The following TAFA2 variants were observed in gnomAD, a reference collection of about 807,000 sequenced individuals.
The protein encoded by TAFA2 is chemokine-like protein TAFA-2.
Under a neutral mutation model 18.8 loss-of-function variants are expected in TAFA2, and 7 were observed. The observed-to-expected ratio is 0.37, with a 90% CI of 0.21 to 0.70. The LOEUF is 0.70. TAFA2 is among the 30% of genes least tolerant of loss of function. The pLI is 0.53. For synonymous variants in TAFA2, 60 were observed against 54.2 expected, an observed-to-expected ratio of 1.11 and a Z score of -0.47; for missense variants, 122 against 158.1, an observed-to-expected ratio of 0.77 and a Z score of 1.23.
chr12:62,028,852 G>A (rs947579821), intron 1 of TAFA2, among the ~76,000 whole-genome samples: 3 of 152,096 alleles, frequency 2.0e-5, no homozygotes, highest in Non-Finnish European at 4.4e-5. Flanking sequence ...ACAAACTATA[G>A]TCCAAACTAC....
intron 1 of TAFA2, among the ~76,000 whole-genome samples, chr12:62,061,526 G>A (rs1046558919): frequency 3.3e-5 from 5 of 152,098 alleles, no homozygotes; most frequent in South Asian, 4.1e-4. Context: ...TATCTCCATC[G>A]TTAAGAGATA....
At chr12:61,851,542 C>T (rs1873647562) in intron 2 of TAFA2, among the ~76,000 whole-genome samples, 1 of 151,278 alleles carries the variant, frequency 6.6e-6, no homozygotes, top group Admixed American at 6.6e-5. Context: ...TTTGGGAGGC[C>T]GAGGCGGGTG....
upstream of TAFA2, among the ~76,000 whole-genome samples, chr12:62,195,713 A>G (rs2062645913): frequency 6.6e-6 from 1 of 152,242 alleles, no homozygotes; most frequent in Non-Finnish European, 1.5e-5. Flanking sequence ...TGCTGTAAAC[A>G]AATGTGCTGC....
intron 1 of TAFA2, among the ~76,000 whole-genome samples, chr12:62,249,199 C>T (rs1009832643): frequency 6.7e-6 from 1 of 149,864 alleles, no homozygotes; most frequent in African/African-American, 2.5e-5. Flanking sequence ...GAACAATGTA[C>T]AGCCAATTGA....
intron 1 of TAFA2, among the ~76,000 whole-genome samples, chr12:61,960,831 AC>A (rs1166803432): frequency 6.6e-6 from 1 of 151,990 alleles, no homozygotes; most frequent in Non-Finnish European, 1.5e-5. Context: ...CATAAACTAA[AC>A]ATTTATAACA....
chr12:61,908,815 G>T (rs948652784), intron 1 of TAFA2, among the ~76,000 whole-genome samples: 2 of 151,972 alleles, frequency 1.3e-5, no homozygotes, highest in African/African-American at 4.8e-5. Flanking sequence ...AGAATGACAG[G>T]AGAACTATAT....
At chr12:62,084,672 G>A (rs969957955) in intron 1 of TAFA2, among the ~76,000 whole-genome samples, 1 of 152,128 alleles carries the variant, frequency 6.6e-6, no homozygotes, top group South Asian at 2.1e-4. Context: ...CTCAGGCTTA[G>A]AGGTAAAAAC....
chr12:62,001,239 C>T (rs1592540676), intron 1 of TAFA2, among the ~76,000 whole-genome samples: 1 of 152,110 alleles, frequency 6.6e-6, no homozygotes, highest in South Asian at 2.1e-4. Context: ...TATATAGCAG[C>T]AGTCCCCAAC....
At chr12:61,959,039 A>G (rs1262059352) in intron 1 of TAFA2, among the ~76,000 whole-genome samples, 1 of 151,902 alleles carries the variant, frequency 6.6e-6, no homozygotes, top group African/African-American at 2.4e-5. Flanking sequence ...TTTATTTCAT[A>G]TTCTCTTCTA....
At chr12:61,951,695 C>G (rs2582332) in intron 1 of TAFA2, among the ~76,000 whole-genome samples, 45,990 of 151,812 alleles carry the variant, frequency 0.3, 8,262 homozygotes, top group Non-Finnish European at 0.4. Context: ...TTTTTTCTTT[C>G]TCCGGATGAC....
At chr12:62,181,379 A>G (rs956459513) in intron 1 of TAFA2, among the ~76,000 whole-genome samples, 1 of 152,246 alleles carries the variant, frequency 6.6e-6, no homozygotes, top group South Asian at 2.1e-4. Context: ...TGAGATATAC[A>G]TGGGTCTGCC....
intron 1 of TAFA2, among the ~76,000 whole-genome samples, chr12:62,123,201 A>G (rs1265862388): frequency 1.3e-5 from 2 of 152,022 alleles, no homozygotes; most frequent in African/African-American, 4.8e-5. Flanking sequence ...TCAACTGCAT[A>G]CTCTCTCTCT....
At chr12:61,878,324 C>A (rs1170543928) in intron 1 of TAFA2, among the ~76,000 whole-genome samples, 4 of 152,002 alleles carry the variant, frequency 2.6e-5, no homozygotes, top group Non-Finnish European at 5.9e-5. Flanking sequence ...TATTTTACAA[C>A]AATAAAAATG....
chr12:62,192,909 T>C (rs1025952937), upstream of TAFA2: 27 of 152,188 alleles, frequency 1.8e-4, no homozygotes, highest in Admixed American at 1.6e-3. Flanking sequence ...AACAGACCAG[T>C]TTCTCTCCAT....
chr12:62,059,028 G>A (rs536610329), intron 1 of TAFA2, among the ~76,000 whole-genome samples: 1 of 152,126 alleles, frequency 6.6e-6, no homozygotes, highest in East Asian at 1.9e-4. Context: ...GCGGGAACCC[G>A]GGAGGCGGAG....
At chr12:61,969,872 C>T (rs1565700175) in intron 1 of TAFA2, among the ~76,000 whole-genome samples, 1 of 151,316 alleles carries the variant, frequency 6.6e-6, no homozygotes, top group East Asian at 2.0e-4. Flanking sequence ...CAGAGATATA[C>T]AAAAAAGAAA....
chr12:61,851,382 A>T (rs1565656102), intron 2 of TAFA2, among the ~76,000 whole-genome samples: 2 of 152,202 alleles, frequency 1.3e-5, no homozygotes, highest in Non-Finnish European at 2.9e-5. Context: ...GAAATTGCCA[A>T]AAAGAAGCTC....
intron 1 of TAFA2, among the ~76,000 whole-genome samples, chr12:62,254,081 G>A (rs1043923548): frequency 1.3e-5 from 2 of 152,048 alleles, no homozygotes; most frequent in Non-Finnish European, 2.9e-5. Flanking sequence ...TTGTAATTGT[G>A]TTTCTTTGAT....
At chr12:61,777,207 G>A (rs919902885) in intron 2 of TAFA2, among the ~76,000 whole-genome samples, 1 of 151,898 alleles carries the variant, frequency 6.6e-6, no homozygotes, top group Non-Finnish European at 1.5e-5. Context: ...AGAGCAACTA[G>A]TGGTTACAAC....
Sources: allele counts gnomAD v4.1 joint callset (sites outside exome capture counted in the v4.1 genomes callset), GRCh38; gene constraint gnomAD v4.1.1; transcripts MANE v1.5; gene names NCBI Gene and HGNC (gene_info 2026-07-23, HGNC 2026-07-21).